ZNF638: variants seen among roughly 807,000 people sequenced by gnomAD.
The protein encoded by ZNF638 is CTCL tumor antigen se33-1.
A neutral mutation model predicts 195.6 loss-of-function variants in ZNF638; 46 were observed. The observed-to-expected ratio is 0.24, with a 90% CI of 0.19 to 0.30. The LOEUF (loss-of-function observed/expected upper bound fraction) is 0.30, where lower values mean the gene tolerates loss of function less well. Ranked by LOEUF, ZNF638 falls within the 10% of genes least tolerant of loss-of-function variation. The pLI is 1.00. For synonymous variants in ZNF638, 845 were observed against 772.0 expected (o/e 1.09, Z -1.57); for missense variants, 2,440 against 2,325.3 (o/e 1.05, Z -1.01).
chr2:71,431,081 C>A, intron 25 of ZNF638: 1 of 358,556 alleles, frequency 2.8e-6, no homozygotes. Context: ...TTAAATTCTG[C>A]CTGGAACATA....
Position 71,350,165 on chromosome 2 carries a change from T to C in ZNF638, c.1211T>C (p.Met404Thr). 6.2e-7 allele frequency: 1 copy of C among 1,613,444 alleles called. No individual in the cohort carries two copies. The highest frequency in any genetic ancestry group is 8.5e-7 in the Non-Finnish European group (1 of 1,180,034). ...TTTTCACATGCTGATGCCCAGAAGA[T>C]GAAGAGACTTCCAACTCCTTCTATG... Reference protein sequence around the residue: ...PKFSHADAQKMKRLPTPSMMN... With the variant: ...PKFSHADAQKTKRLPTPSMMN... The change falls in exon 2 of 28, where the codon ATG becomes ACG. Residue 404 changes from methionine (M) to threonine (T), a missense_variant. Coordinates refer to ENST00000264447, the MANE Select transcript of ZNF638 (RefSeq NM_014497.5).
intron 10 of ZNF638, among the ~76,000 whole-genome samples, chr2:71,394,555 A>T (rs879721221): frequency 6.6e-6 from 1 of 152,080 alleles, no homozygotes; most frequent in African/African-American, 2.4e-5. Flanking sequence ...AATATATCTA[A>T]TTTAAATATT....
chr2:71,351,330 T>C (rs1558835306), intron 2 of ZNF638, among the ~76,000 whole-genome samples: 2 of 152,240 alleles, frequency 1.3e-5, no homozygotes, highest in African/African-American at 4.8e-5. Flanking sequence ...TTTCTTAAGG[T>C]TAACTCCAGC....
At chr2:71,428,043 T>C (rs760738927) in intron 24 of ZNF638, among the ~76,000 whole-genome samples, 3 of 151,950 alleles carry the variant, frequency 2.0e-5, no homozygotes, top group Non-Finnish European at 4.4e-5. Context: ...AATTAAAAAA[T>C]GAGCCAGGCA....
At chr2:71,367,119 A>G (rs1167304138) in intron 6 of ZNF638, among the ~76,000 whole-genome samples, 1 of 152,156 alleles carries the variant, frequency 6.6e-6, no homozygotes. Flanking sequence ...CAGAATTTTG[A>G]AGAGCATTGG....
chr2:71,419,168 C>A (rs1422583767), intron 21 of ZNF638, among the ~76,000 whole-genome samples: 2 of 152,154 alleles, frequency 1.3e-5, no homozygotes, highest in Admixed American at 6.5e-5. Context: ...AAACTGGTGA[C>A]TTACAGCCTT....
intron 7 of ZNF638, 91 bp downstream of exon 7, chr2:71,368,619 T>G: frequency 7.6e-7 from 1 of 1,323,754 alleles, no homozygotes; most frequent in Non-Finnish European, 1.1e-6. Flanking sequence ...CTGCTTGTAC[T>G]GCATATATAA....
intron 6 of ZNF638, among the ~76,000 whole-genome samples, chr2:71,367,919 G>T (rs1019275736): frequency 6.6e-6 from 1 of 151,956 alleles, no homozygotes; most frequent in African/African-American, 2.4e-5. Context: ...TATTCAAATG[G>T]TATGCATTAT....
At chr2:71,401,430 A>C (rs1330465160) in intron 15 of ZNF638, among the ~76,000 whole-genome samples, 4 of 152,204 alleles carry the variant, frequency 2.6e-5, no homozygotes. Flanking sequence ...CTAAGTGATT[A>C]TCTTATTCAG....
chr2:71,363,157 C>A lies in ZNF638; in HGVS notation c.1384C>A (p.Pro462Thr). 1 of 1,594,774 alleles carries A rather than the reference C, an allele frequency of 6.3e-7. No individual in the cohort carries two copies. Among genetic ancestry groups the A allele is most frequent in the Admixed American group, 1.7e-5 (1 of 58,070 alleles). ...TATTGTTTATTTTCAAAATAGGTAT[C>A]CTGATTGGAATCCTGAGATCCTCCC... ...ESCRQLRQQY[P>T]DWNPEILPSR... Residue 462 changes from proline to threonine, a missense_variant, in exon 4 of 28, where the codon CCT becomes ACT. Physicochemically the swap from Pro to Thr is conservative, Grantham distance 38 (BLOSUM62 -1). Around this residue, in one of 5 missense-constraint regions of ZNF638, gnomAD observed 37 missense variants for 75.7 expected, o/e 0.49. Transcript: ENST00000264447.
chr2:71,362,145 A>G (rs976195046), intron 3 of ZNF638, among the ~76,000 whole-genome samples: 1 of 152,088 alleles, frequency 6.6e-6, no homozygotes, highest in Non-Finnish European at 1.5e-5. Flanking sequence ...GGCTTCTATG[A>G]TATTACTGTT....
intron 18 of ZNF638, 106 bp downstream of exon 18, chr2:71,405,748 A>AT: frequency 2.5e-6 from 2 of 808,396 alleles, no homozygotes; most frequent in Non-Finnish European, 3.9e-6. Context: ...ATTTTAAGAT[A>AT]TTGAGGTGAT....
chr2:71,407,949 C>A, intron 19 of ZNF638, 173 bp from the exon 20 acceptor site: 1 of 540,544 alleles, frequency 1.8e-6, no homozygotes, highest in Non-Finnish European at 3.1e-6. Context: ...TTGCTTCTCC[C>A]TTTGTCTGTT....
intron 10 of ZNF638, among the ~76,000 whole-genome samples, chr2:71,394,398 C>T (rs1407442646): frequency 1.3e-5 from 2 of 152,158 alleles, no homozygotes; most frequent in African/African-American, 4.8e-5. Context: ...GACCTTTATG[C>T]ATAATCACAC....
intron 20 of ZNF638, 59 bp downstream of exon 20, chr2:71,408,306 C>A: frequency 1.3e-6 from 2 of 1,557,916 alleles, no homozygotes; most frequent in South Asian, 1.2e-5. Flanking sequence ...ACATAAAGGT[C>A]ATTCTCAGGT....
intron 8 of ZNF638, 52 bp from the exon 9 acceptor site, chr2:71,380,170 C>G (rs2079511029): frequency 6.3e-6 from 7 of 1,109,962 alleles, no homozygotes; most frequent in Non-Finnish European, 8.8e-6. Context: ...TCTATATTTT[C>G]TAAATTGCTT....
intron 3 of ZNF638, among the ~76,000 whole-genome samples, chr2:71,358,313 A>T (rs889050929): frequency 6.6e-6 from 1 of 152,168 alleles, no homozygotes; most frequent in Non-Finnish European, 1.5e-5. Context: ...AGTTCCAGGG[A>T]TTGGAACATA....
rs769067004 is a variant in ZNF638 at position 71,426,730 on chromosome 2, G to C, written c.4861G>C (p.Val1621Leu). The C allele has an allele frequency of 5.6e-6, 9 of 1,614,050 alleles. No homozygotes were observed. In the African/African-American group the frequency reaches 9.3e-5, roughly 17 times the overall value. Residue 1621 changes from valine (V) to leucine (L), a missense_variant, in exon 24 of 28, where the codon GTG becomes CTG. Val to Leu is a conservative substitution (Grantham distance 32, BLOSUM62 1). This residue lies in a region of ZNF638 where 1,883 missense variants were observed against 1,739.1 expected (regional missense o/e 1.08). Transcript: ENST00000264447. ...AAHLAQALVT[V>L]DEVIDEEELN... Reference sequence around the variant, plus strand: ...ACATCTAGCACAAGCTCTAGTCACTGTGGATGAAGTAATTGATGAAGAAGA... The same window carrying C: ...ACATCTAGCACAAGCTCTAGTCACTCTGGATGAAGTAATTGATGAAGAAGA...
At chr2:71,431,286 A>G in intron 25 of ZNF638, 41 bp from the exon 26 acceptor site, 1 of 1,534,190 alleles carries the variant, frequency 6.5e-7, no homozygotes, top group South Asian at 1.1e-5. Flanking sequence ...CAAAGTCTGT[A>G]AATCTATTCT....
Sources: allele counts gnomAD v4.1 joint callset (sites outside exome capture counted in the v4.1 genomes callset), GRCh38; gene constraint gnomAD v4.1.1; regional missense constraint gnomAD v4.1.1; transcripts MANE v1.5; gene names NCBI Gene and HGNC (gene_info 2026-07-23, HGNC 2026-07-21).